The following KSR1 variants were observed in gnomAD, a reference collection of about 807,000 sequenced individuals.
KSR1 encodes the protein kinase suppressor of ras 1, also known as kinase suppressor of ras.
Under a neutral mutation model 92.9 loss-of-function variants are expected in KSR1, and 35 were observed. That is an observed-to-expected ratio of 0.38 (90% CI 0.29 to 0.50). The LOEUF is 0.50. Among genes scored for constraint, KSR1 ranks in the 20% least tolerant of loss-of-function variants. The pLI, the probability that KSR1 is intolerant of heterozygous loss-of-function variation, is 0.94. For missense variants in KSR1, 972 were observed against 1,158.5 expected (o/e 0.84, Z 2.34); for synonymous variants, 467 against 472.6 (o/e 0.99, Z 0.15).
intron 1 of KSR1, among the ~76,000 whole-genome samples, chr17:27,511,333 A>C (rs1412402555): frequency 6.6e-6 from 1 of 152,192 alleles, no homozygotes; most frequent in Non-Finnish European, 1.5e-5. Flanking sequence ...CTGGAGGTGC[A>C]CTTGCTCACC....
intron 18 of KSR1, among the ~76,000 whole-genome samples, chr17:27,616,341 G>A (rs2074053891): frequency 6.6e-6 from 1 of 152,202 alleles, no homozygotes; most frequent in South Asian, 2.1e-4. Context: ...TGAGCCTACA[G>A]TCTGGGGGAT....
chr17:27,582,733 C>A lies in KSR1; in HGVS notation c.608C>A (p.Ala203Glu). ...GGGCCTTCCACGGACACCCTCTCAGCAGCCAGCCTGCCCTGGCCCCCAGGG... is the reference window on the plus strand; with the variant it reads ...GGGCCTTCCACGGACACCCTCTCAGAAGCCAGCCTGCCCTGGCCCCCAGGG... ...GSGPSTDTLS[A>E]ASLPWPPGSS... Residue 203 changes from alanine (A) to glutamate (E), a missense_variant, in exon 4 of 21, where the codon GCA (alanine) becomes GAA (glutamate). By Grantham distance (107) the Ala-to-Glu change is moderately radical. Coordinates refer to ENST00000644974, the MANE Select transcript of KSR1 (RefSeq NM_001394583.1). The A allele has an allele frequency of 6.2e-7, 1 of 1,613,914 alleles. No homozygotes were observed. Among genetic ancestry groups the A allele is most frequent in the Non-Finnish European group, 8.5e-7 (1 of 1,179,854 alleles).
intron 1 of KSR1, among the ~76,000 whole-genome samples, chr17:27,517,468 T>C (rs2069846321): frequency 6.6e-6 from 1 of 152,174 alleles, no homozygotes; most frequent in Non-Finnish European, 1.5e-5. Flanking sequence ...TTTTATACTT[T>C]TAGTAGAGAT....
intron 1 of KSR1, among the ~76,000 whole-genome samples, chr17:27,521,315 G>A (rs1246102329): frequency 6.6e-6 from 1 of 151,588 alleles, no homozygotes; most frequent in African/African-American, 2.4e-5. Context: ...TGAGGACAGT[G>A]AGTTGACAAA....
At chr17:27,520,612 G>C (rs550416821) in intron 1 of KSR1, among the ~76,000 whole-genome samples, 1 of 152,224 alleles carries the variant, frequency 6.6e-6, no homozygotes, top group Non-Finnish European at 1.5e-5. Flanking sequence ...TGGCTTTTCC[G>C]TGCAGAACGG....
chr17:27,582,715 C>G lies in KSR1; in HGVS notation c.590C>G (p.Ser197Cys), dbSNP rs1467598665. Residue 197 changes from serine to cysteine, a missense_variant, in exon 4 of 21, where the codon TCC becomes TGC. Ser to Cys is a moderately radical substitution (Grantham distance 112). Transcript: ENST00000644974. ...CGGCGGGAAAGTGGCTCAGGGCCTTCCACGGACACCCTCTCAGCAGCCAGC... is the reference window on the plus strand; with the variant it reads ...CGGCGGGAAAGTGGCTCAGGGCCTTGCACGGACACCCTCTCAGCAGCCAGC... ...DARRESGSGP[S>C]TDTLSAASLP... 1 of 1,613,862 alleles carries G rather than the reference C, an allele frequency of 6.2e-7. No individual in the cohort carries two copies. Among genetic ancestry groups the G allele is most frequent in the Non-Finnish European group, 8.5e-7 (1 of 1,179,838 alleles).
At chr17:27,465,411 T>G (rs2019643711) in intron 1 of KSR1, 1 of 152,220 alleles carries the variant, frequency 6.6e-6, no homozygotes. Flanking sequence ...CCGGGCACAG[T>G]GTCTTAGGCC....
At chr17:27,466,806 G>A (rs748342225) in intron 1 of KSR1, among the ~76,000 whole-genome samples, 5 of 152,276 alleles carry the variant, frequency 3.3e-5, no homozygotes, top group Non-Finnish European at 7.3e-5. Context: ...GCCGGCTGGG[G>A]CCACTCTAGG....
chr17:27,460,304 A>G (rs1310168785), intron 1 of KSR1, among the ~76,000 whole-genome samples: 2 of 152,178 alleles, frequency 1.3e-5, no homozygotes, highest in African/African-American at 2.4e-5. Context: ...AAGCAGACAC[A>G]TGTTGCCTCA....
At chr17:27,601,641 CTT>C (rs2073560946) in intron 11 of KSR1, among the ~76,000 whole-genome samples, 1 of 152,198 alleles carries the variant, frequency 6.6e-6, no homozygotes, top group Non-Finnish European at 1.5e-5. Flanking sequence ...CATCCAGCCT[CTT>C]GGCACAGAGA....
chr17:27,510,727 G>C (rs774813235), intron 1 of KSR1, among the ~76,000 whole-genome samples: 1 of 152,186 alleles, frequency 6.6e-6, no homozygotes, highest in South Asian at 2.1e-4. Context: ...TGGGTTGGGG[G>C]TATGATGTGC....
At chr17:27,567,690 A>G (rs928985206) in intron 2 of KSR1, among the ~76,000 whole-genome samples, 14 of 152,250 alleles carry the variant, frequency 9.2e-5, no homozygotes, top group African/African-American at 3.4e-4. Context: ...TTCTTGGACT[A>G]GTGCAGAAAA....
In KSR1 at chr17:27,457,881, G is replaced by C. The variant is rs572308678; in HGVS notation, c.231+1007G>C. Among the ~76,000 whole-genome samples, 19 of 152,010 alleles carry C rather than the reference G, an allele frequency of 1.2e-4. No individual in the cohort carries two copies. The East Asian group carries it at 3.7e-3, about 29-fold the overall frequency. On this transcript the variant is annotated intron_variant, in intron 1 of 20. Transcript: ENST00000644974. The stretch of plus-strand genomic sequence containing the variant: ...GGTCTGGGGATGTTTTGTTTTATTA[G>C]ATCCTCAATTTCTCCTCCCCCAAAC...
At chr17:27,600,101 T>TG (rs1567874086) in intron 10 of KSR1, among the ~76,000 whole-genome samples, 1 of 149,414 alleles carries the variant, frequency 6.7e-6, no homozygotes, top group Non-Finnish European at 1.5e-5. Context: ...TTTTTTTTTT[T>TG]TTTTTTTTTT....
chr17:27,581,156 G>A (rs1364285065), intron 3 of KSR1, among the ~76,000 whole-genome samples: 1 of 152,156 alleles, frequency 6.6e-6, no homozygotes, highest in Non-Finnish European at 1.5e-5. Flanking sequence ...GCGTCCCACA[G>A]TGTAGGAGCA....
At chr17:27,548,134 G>A (rs941751805) in intron 1 of KSR1, among the ~76,000 whole-genome samples, 4 of 151,226 alleles carry the variant, frequency 2.6e-5, no homozygotes, top group East Asian at 1.9e-4. Context: ...GATGGCTCAC[G>A]CCTGTAATCC....
intron 4 of KSR1, 107 bp from the exon 5 acceptor site, chr17:27,585,550 T>C: frequency 1.4e-6 from 1 of 716,518 alleles, no homozygotes; most frequent in South Asian, 1.5e-5. Context: ...GGCCTCAGAG[T>C]CCTACGTCCC....
intron 1 of KSR1, among the ~76,000 whole-genome samples, chr17:27,484,704 A>C (rs2068612678): frequency 6.6e-6 from 1 of 152,102 alleles, no homozygotes; most frequent in East Asian, 1.9e-4. Flanking sequence ...GGGCAGGTGC[A>C]CAGAGAGGGA....
intron 1 of KSR1, among the ~76,000 whole-genome samples, chr17:27,480,975 C>T (rs551441619): frequency 3.3e-5 from 5 of 152,296 alleles, no homozygotes; most frequent in African/African-American, 1.2e-4. Context: ...TTCAGTAACA[C>T]TCTGATGTCA....
Sources: allele counts gnomAD v4.1 joint callset (sites outside exome capture counted in the v4.1 genomes callset), GRCh38; gene constraint gnomAD v4.1.1; transcripts MANE v1.5; gene names NCBI Gene and HGNC (gene_info 2026-07-23, HGNC 2026-07-21).